The following WDR7 variants were observed in gnomAD, a reference collection of about 807,000 sequenced individuals.
WDR7 encodes the protein WD repeat domain 7.
WDR7 carries 46 observed loss-of-function variants against 169.4 expected under a neutral mutation model. That is an observed-to-expected ratio of 0.27 (90% CI 0.21 to 0.35). The LOEUF (loss-of-function observed/expected upper bound fraction) is 0.35, where lower values mean the gene tolerates loss of function less well. Ranked by LOEUF, WDR7 falls within the 10% of genes least tolerant of loss-of-function variation. WDR7 has a pLI of 1.00. For synonymous variants in WDR7, 612 were observed against 666.8 expected (o/e 0.92, Z 1.27); for missense variants, 1,534 against 1,859.3 (o/e 0.83, Z 3.22).
In WDR7 at chr18:56,653,477, G is replaced by A. The variant is rs146225016; in HGVS notation, c.-20+1901G>A. ...CAGCCTTGGCCTCCCAAAGTGCTGG[G>A]ATTACAGGTGTGAGCCACCACATCC... On this transcript the variant is annotated intron_variant, in intron 1 of 27. Coordinates refer to ENST00000254442, the MANE Select transcript of WDR7 (RefSeq NM_015285.3). Among the ~76,000 whole-genome samples, 1,218 of 152,318 alleles carry A rather than the reference G, an allele frequency of 8.0e-3. 4 individuals carry two copies. Among genetic ancestry groups the A allele is most frequent in the Middle Eastern group, 0.024 (7 of 294 alleles).
At chr18:56,940,083 A>G (rs952405997) in intron 25 of WDR7, among the ~76,000 whole-genome samples, 1 of 152,098 alleles carries the variant, frequency 6.6e-6, no homozygotes. Flanking sequence ...ACATCTTGTT[A>G]AAAAAGGTTT....
At chr18:56,985,540 A>G (rs751558666) in intron 26 of WDR7, among the ~76,000 whole-genome samples, 11 of 152,112 alleles carry the variant, frequency 7.2e-5, no homozygotes, top group Non-Finnish European at 1.6e-4. Context: ...GTCTTCCAAG[A>G]TACATTTTAA....
At chr18:56,924,184 A>G (rs1056329336) in intron 22 of WDR7, 76 bp downstream of exon 22, 3 of 1,522,726 alleles carry the variant, frequency 2.0e-6, no homozygotes, top group Admixed American at 2.0e-5. Context: ...TTTATTGATC[A>G]TTCTGTATAG....
At position 56,695,184 on chromosome 18, in the gene WDR7, A is replaced by C. The variant is rs376743194; in HGVS notation, c.1343A>C (p.His448Pro). The change falls in exon 11 of 28, where the codon CAC becomes CCC. Residue 448 changes from histidine (H) to proline (P), a missense_variant. Coordinates refer to ENST00000254442, the MANE Select transcript of WDR7 (RefSeq NM_015285.3). ...TAIVQLLQGE[H>P]MLRRGWPPHR... ...ATAGTACAGCTGTTGCAAGGGGAAC[A>C]CATGCTCAGAAGAGGTATACTGAAG... The C allele has an allele frequency of 6.2e-7, 1 of 1,614,054 alleles. No homozygotes were observed. The highest frequency in any genetic ancestry group is 1.3e-5 in the African/African-American group (1 of 74,948).
chr18:56,926,083 G>A (rs1162179564), intron 22 of WDR7, among the ~76,000 whole-genome samples: 1 of 152,208 alleles, frequency 6.6e-6, no homozygotes, highest in East Asian at 1.9e-4. Flanking sequence ...AGCAGATCAA[G>A]AGCTGCCTGA....
At chr18:56,819,043 A>G (rs1251141266) in intron 20 of WDR7, among the ~76,000 whole-genome samples, 2 of 152,194 alleles carry the variant, frequency 1.3e-5, no homozygotes, top group East Asian at 3.8e-4. Flanking sequence ...TCTGAGCAAG[A>G]TAACAATTAA....
chr18:56,896,275 C>T (rs1021087215), intron 21 of WDR7, among the ~76,000 whole-genome samples: 1 of 151,336 alleles, frequency 6.6e-6, no homozygotes, highest in Non-Finnish European at 1.5e-5. Flanking sequence ...AGATTAATAC[C>T]ATTCCAAACT....
At chr18:56,921,084 G>T (rs4801063) in intron 21 of WDR7, among the ~76,000 whole-genome samples, 123,207 of 152,126 alleles carry the variant, frequency 0.81, 50,384 homozygotes, top group East Asian at 0.98. Context: ...GATTATTCCT[G>T]CAGAACATCA....
intron 14 of WDR7, among the ~76,000 whole-genome samples, chr18:56,741,255 C>T (rs2043616863): frequency 6.6e-6 from 1 of 152,066 alleles, no homozygotes; most frequent in Non-Finnish European, 1.5e-5. Flanking sequence ...CTTTTTCTGT[C>T]CTAGTAACTG....
intron 21 of WDR7, among the ~76,000 whole-genome samples, chr18:56,897,731 T>C (rs2046348857): frequency 6.6e-6 from 1 of 151,982 alleles, no homozygotes; most frequent in South Asian, 2.1e-4. Context: ...GTAGTAAATA[T>C]TATGATTCAA....
rs893301295 is a variant in WDR7, at chr18:56,830,585, C to T, written c.3304+14441C>T. Among the ~76,000 whole-genome samples, 7 of 152,348 alleles carry T rather than the reference C, an allele frequency of 4.6e-5. No individual in the cohort carries two copies. In the South Asian group the frequency reaches 1.4e-3, roughly 32 times the overall value. On this transcript the variant is annotated intron_variant, in intron 20 of 27. Transcript: ENST00000254442. ...GCTACCTCTAGATCACCTCTGGGCG[C>T]TGCACTATACATCTTCGATACTTGT...
chr18:56,971,370 T>C (rs1438687630), intron 26 of WDR7, among the ~76,000 whole-genome samples: 1 of 152,170 alleles, frequency 6.6e-6, no homozygotes, highest in Non-Finnish European at 1.5e-5. Flanking sequence ...TTTCTCCATT[T>C]ATTCATGATT....
At chr18:56,963,204 C>G (rs1459985038) in intron 26 of WDR7, among the ~76,000 whole-genome samples, 1 of 151,982 alleles carries the variant, frequency 6.6e-6, no homozygotes, top group Non-Finnish European at 1.5e-5. Flanking sequence ...TCACTTTATC[C>G]CAGAGTCGCA....
At chr18:57,010,525 C>A (rs1346178318) in intron 26 of WDR7, among the ~76,000 whole-genome samples, 1 of 149,356 alleles carries the variant, frequency 6.7e-6, no homozygotes, top group Non-Finnish European at 1.5e-5. Flanking sequence ...ACAGTACAAA[C>A]ATACTGCTGT....
At chr18:57,032,209 TCA>T (rs1380384882), downstream of WDR7, 1 of 152,246 alleles carries the variant, frequency 6.6e-6, no homozygotes. Flanking sequence ...GATTTAGGAC[TCA>T]CATTAGCATC....
At chr18:56,703,633 A>C (rs1354999048) in intron 12 of WDR7, among the ~76,000 whole-genome samples, 1 of 152,016 alleles carries the variant, frequency 6.6e-6, no homozygotes, top group East Asian at 1.9e-4. Flanking sequence ...TGTATTTGGC[A>C]CCATCTTTTT....
chr18:56,940,848 C>T (rs754415359), intron 25 of WDR7, among the ~76,000 whole-genome samples: 1 of 152,106 alleles, frequency 6.6e-6, no homozygotes, highest in African/African-American at 2.4e-5. Context: ...TGTTTTTCCC[C>T]TCTGCTGGAA....
intron 27 of WDR7, among the ~76,000 whole-genome samples, chr18:57,023,466 T>C (rs1355559701): frequency 6.6e-6 from 1 of 152,242 alleles, no homozygotes; most frequent in Non-Finnish European, 1.5e-5. Flanking sequence ...AAGGTCTGTG[T>C]GCAGCATTAC....
chr18:57,013,736 T>C (rs2048169634), intron 26 of WDR7, among the ~76,000 whole-genome samples: 1 of 152,212 alleles, frequency 6.6e-6, no homozygotes, highest in Non-Finnish European at 1.5e-5. Context: ...TGGGTTTTTG[T>C]CAGTGGATGC....
Sources: allele counts gnomAD v4.1 joint callset (sites outside exome capture counted in the v4.1 genomes callset), GRCh38; gene constraint gnomAD v4.1.1; transcripts MANE v1.5; gene names NCBI Gene and HGNC (gene_info 2026-07-23, HGNC 2026-07-21).